The following MYCBP variants were observed in gnomAD, a reference collection of about 807,000 sequenced individuals.
The protein encoded by MYCBP is MYC binding protein, also known as C-Myc-binding protein.
In MYCBP, 5 loss-of-function variants were observed where a neutral mutation model predicts 16.8. The observed-to-expected ratio is 0.30, with a 90% CI of 0.16 to 0.63. The LOEUF (loss-of-function observed/expected upper bound fraction) is 0.63. Ranked by LOEUF, MYCBP falls within the 20% of genes least tolerant of loss-of-function variation. The pLI, the probability that MYCBP is intolerant of heterozygous loss-of-function variation, is 0.83. For synonymous variants in MYCBP, 35 were observed against 43.7 expected, an observed-to-expected ratio of 0.80 and a Z score of 0.79; for missense variants, 103 against 121.8, an observed-to-expected ratio of 0.85 and a Z score of 0.73.
At chr1:38,867,478 T>A (rs1344952988) in intron 3 of MYCBP, 84 bp downstream of exon 3, 35 of 981,112 alleles carry the variant, frequency 3.6e-5, no homozygotes, top group Non-Finnish European at 4.6e-5. Context: ...ACTTTCTCAA[T>A]ATTCAGAAGT....
At chr1:38,869,696 T>A (rs1642419352) in intron 2 of MYCBP, among the ~76,000 whole-genome samples, 1 of 152,178 alleles carries the variant, frequency 6.6e-6, no homozygotes, top group African/African-American at 2.4e-5. Context: ...TCTTTAGCCA[T>A]CCTTTCATAG....
At chr1:38,869,840 A>G (rs1488215987) in intron 2 of MYCBP, among the ~76,000 whole-genome samples, 1 of 148,262 alleles carries the variant, frequency 6.7e-6, no homozygotes, top group Non-Finnish European at 1.5e-5. Flanking sequence ...CAGGAGTTTG[A>G]GATCAACCTG....
At chr1:38,865,790 C>T (rs1028423214) in intron 4 of MYCBP, among the ~76,000 whole-genome samples, 6 of 151,852 alleles carry the variant, frequency 4.0e-5, no homozygotes, top group African/African-American at 1.2e-4. Flanking sequence ...TAACAGAGAA[C>T]CTGTCTCAAA....
chr1:38,864,714 G>A lies in MYCBP; in HGVS notation c.268C>T (p.Leu90Phe). The A allele has an allele frequency of 2.5e-6, 4 of 1,613,700 alleles. No homozygotes were observed. The highest frequency in any genetic ancestry group is 2.5e-6 in the Non-Finnish European group (3 of 1,179,706). ...VEENKKLKAK[L>F]AQYEPPQEEK... ...TCCTGAGGTGGTTCATACTGAGCAAGCTATGGGGCAAAGACAGAGGAATTT... is the reference window on the plus strand; with the variant it reads ...TCCTGAGGTGGTTCATACTGAGCAAACTATGGGGCAAAGACAGAGGAATTT... The change falls in exon 5 of 5, where the codon CTT becomes TTT. Residue 90 changes from leucine to phenylalanine, a missense_variant and splice_region_variant. By Grantham distance (22) the Leu-to-Phe change is conservative (BLOSUM62 0). Transcript: ENST00000397572.
intron 1 of MYCBP, 27 bp downstream of exon 1, chr1:38,873,263 GC>G: frequency 6.3e-7 from 1 of 1,598,788 alleles, no homozygotes. Context: ...CCGCCCGCAT[GC>G]CCCCAGCCAC....
chr1:38,871,453 CAG>C (rs1642465802), intron 2 of MYCBP, among the ~76,000 whole-genome samples: 1 of 115,274 alleles, frequency 8.7e-6, no homozygotes, highest in Admixed American at 1.1e-4. Context: ...TTTTTGGAGA[CAG>C]AGTGTCACTG....
intron 4 of MYCBP, 47 bp from the exon 5 acceptor site, chr1:38,864,761 G>A: frequency 6.4e-7 from 1 of 1,567,652 alleles, no homozygotes; most frequent in Non-Finnish European, 8.8e-7. Flanking sequence ...ATTCTAAATT[G>A]AGTAAAAAAT....
At chr1:38,872,301 A>G (rs190493246) in intron 2 of MYCBP, among the ~76,000 whole-genome samples, 48 of 152,364 alleles carry the variant, frequency 3.2e-4, no homozygotes, top group African/African-American at 1.2e-3. Flanking sequence ...AAGCCAATAA[A>G]GTAAACTGTA....
chr1:38,865,168 A>G (rs1208587951), intron 4 of MYCBP, among the ~76,000 whole-genome samples: 3 of 152,224 alleles, frequency 2.0e-5, no homozygotes, highest in Admixed American at 6.5e-5. Context: ...GTTAACTAGC[A>G]CTACACATTG....
intron 2 of MYCBP, among the ~76,000 whole-genome samples, chr1:38,872,348 AC>A (rs1051162554): frequency 1.3e-5 from 2 of 152,186 alleles, no homozygotes; most frequent in Non-Finnish European, 2.9e-5. Flanking sequence ...CCAACACTTT[AC>A]TCATCTACTT....
chr1:38,866,840 G>A, intron 4 of MYCBP, 40 bp downstream of exon 4: 1 of 1,406,164 alleles, frequency 7.1e-7, no homozygotes, highest in Middle Eastern at 2.4e-4. Context: ...AATTATTACA[G>A]GTAAAATTAT....
intron 2 of MYCBP, 121 bp downstream of exon 2, chr1:38,872,897 T>C: frequency 2.5e-6 from 3 of 1,203,942 alleles, no homozygotes; most frequent in Non-Finnish European, 3.5e-6. Context: ...CCCACCTCGC[T>C]GGACCCCGGA....
At chr1:38,873,157 C>T in intron 1 of MYCBP, 67 bp from the exon 2 acceptor site, 1 of 1,550,236 alleles carries the variant, frequency 6.5e-7, no homozygotes, top group Admixed American at 1.9e-5. Context: ...GCTGGGAGTC[C>T]GGCAACCCCG....
At chr1:38,868,150 G>T (rs761946923) in intron 2 of MYCBP, among the ~76,000 whole-genome samples, 1 of 152,190 alleles carries the variant, frequency 6.6e-6, no homozygotes, top group Non-Finnish European at 1.5e-5. Flanking sequence ...CTGCTATGTG[G>T]ACCAGCTGGA....
intron 2 of MYCBP, among the ~76,000 whole-genome samples, chr1:38,871,427 C>CTTTTTTTTT: frequency 9.0e-6 from 1 of 110,606 alleles, no homozygotes; most frequent in Non-Finnish European, 1.8e-5. Context: ...CCACCTGTCA[C>CTTTTTTTTT]TTTTTTTTTT....
rs115782132 is a variant in MYCBP, at chr1:38,868,302, C to T, written c.89-692G>A. On this transcript the variant is annotated intron_variant, in intron 2 of 4. Transcript: ENST00000397572. The stretch of plus-strand genomic sequence containing the variant: ...ATTCGAGAATTTAGGAAAGAATCAA[C>T]AGGACTATGGTAATTACCGGAAGAA... 4.0e-3 allele frequency among the ~76,000 whole-genome samples: 606 copies of T among 152,330 alleles called. 5 individuals are homozygous for T. The highest frequency in any genetic ancestry group is 0.012 in the African/African-American group (498 of 41,572).
chr1:38,873,321 G>T lies in MYCBP; in HGVS notation c.-16C>A, dbSNP rs757157906. ...AATGGGCCATAGTGACAGCGGCAGC[G>T]GCGTAGCTGGCGCCGGAGACCGCGA... On this transcript the variant is annotated 5_prime_UTR_variant, in exon 1 of 5. Coordinates refer to ENST00000397572, the MANE Select transcript of MYCBP (RefSeq NM_012333.5). The T allele has an allele frequency of 2.5e-6, 4 of 1,600,020 alleles. No individual in the cohort carries two copies. The highest frequency in any genetic ancestry group is 1.3e-5 in the African/African-American group (1 of 75,002).
chr1:38,864,775 A>C, intron 4 of MYCBP, 61 bp from the exon 5 acceptor site: 1 of 1,489,666 alleles, frequency 6.7e-7, no homozygotes, highest in South Asian at 1.1e-5. Flanking sequence ...AAAAAATAGT[A>C]AAACAAGGTA....
rs1480155565 is a variant in MYCBP at position 38,872,998 on chromosome 1, C to G, written c.88+20G>C. ...GAGCACGACGAGGGCACGAGGTACC[C>G]TCTCCTAGCCCAGGCTCACCCTTGG... On this transcript the variant is annotated intron_variant, in intron 2 of 4. Transcript: ENST00000397572. 6.4e-7 allele frequency: 1 copy of G among 1,563,942 alleles called. No homozygotes were observed. The highest frequency in any genetic ancestry group is 1.4e-5 in the African/African-American group (1 of 73,396).
Sources: gnomAD v4.1 joint callset for allele counts (sites outside exome capture counted in the v4.1 genomes callset) on GRCh38, gnomAD v4.1.1 for gene constraint, MANE v1.5 for transcripts, NCBI Gene and HGNC (gene_info 2026-07-23, HGNC 2026-07-21) for gene names.